The following PDZRN4 variants were observed in gnomAD, a reference collection of about 807,000 sequenced individuals.
PDZRN4 encodes PDZ domain-containing RING finger protein 4.
In PDZRN4, 70 loss-of-function variants were observed where a neutral mutation model predicts 99.0. The observed-to-expected ratio is 0.71, with a 90% CI of 0.58 to 0.86. The LOEUF (loss-of-function observed/expected upper bound fraction) is 0.86, where lower values mean the gene tolerates loss of function less well. Ranked by LOEUF, PDZRN4 falls within the 40% of genes least tolerant of loss-of-function variation. The pLI is 0.00. For synonymous variants in PDZRN4, 551 were observed against 501.6 expected (o/e 1.10, Z -1.32); for missense variants, 1,474 against 1,331.2 (o/e 1.11, Z -1.67).
At chr12:41,365,466 A>C (rs1400237443) in intron 3 of PDZRN4, among the ~76,000 whole-genome samples, 1 of 152,080 alleles carries the variant, frequency 6.6e-6, no homozygotes, top group South Asian at 2.1e-4. Flanking sequence ...AGTAAACCTC[A>C]TCTTACAGGA....
chr12:41,283,778 A>C (rs529257335), intron 3 of PDZRN4, among the ~76,000 whole-genome samples: 1 of 152,330 alleles, frequency 6.6e-6, no homozygotes, highest in East Asian at 1.9e-4. Flanking sequence ...ATTTCAATAG[A>C]TGCAGAAAAG....
At position 41,449,119 on chromosome 12, in the gene PDZRN4, ATTCT is replaced by A. The variant is rs61145667; in HGVS notation, c.844-57329_844-57326del. ...GTCAAACCGACCAACACACTAAGCTATTCTTTCTTTCCAGAATCCTCCCATTTTT... is the reference window on the plus strand; with the variant it reads ...GTCAAACCGACCAACACACTAAGCTATTCTTTCCAGAATCCTCCCATTTTT... On this transcript the variant is annotated intron_variant, in intron 3 of 9. Coordinates refer to ENST00000402685, the MANE Select transcript of PDZRN4 (RefSeq NM_001164595.2). 3.9e-3 allele frequency among the ~76,000 whole-genome samples: 595 copies of A among 152,236 alleles called. 2 individuals carry two copies. The highest frequency in any genetic ancestry group is 0.014 in the African/African-American group (577 of 41,552).
At chr12:41,223,466 A>G (rs1361801064) in intron 3 of PDZRN4, among the ~76,000 whole-genome samples, 2 of 152,156 alleles carry the variant, frequency 1.3e-5, no homozygotes, top group Non-Finnish European at 2.9e-5. Flanking sequence ...AAAGATGAAT[A>G]ACATATACCT....
intron 1 of PDZRN4, among the ~76,000 whole-genome samples, chr12:41,189,776 GGA>G (rs146828897): frequency 2.0e-5 from 3 of 151,678 alleles, no homozygotes; most frequent in Admixed American, 6.6e-5. Flanking sequence ...CATTATTGGT[GGA>G]GAGAGAGAGA....
chr12:41,439,094 A>G (rs201466565), intron 3 of PDZRN4, among the ~76,000 whole-genome samples: 3 of 152,198 alleles, frequency 2.0e-5, no homozygotes, highest in East Asian at 1.9e-4. Flanking sequence ...TGCAATGTTA[A>G]TGCACATTTT....
intron 3 of PDZRN4, among the ~76,000 whole-genome samples, chr12:41,497,802 A>C (rs1360386872): frequency 6.6e-6 from 1 of 152,098 alleles, no homozygotes; most frequent in Non-Finnish European, 1.5e-5. Context: ...GCATGTGCAC[A>C]CAGAGAAAAA....
At chr12:41,273,608 A>C (rs1591993027) in intron 3 of PDZRN4, among the ~76,000 whole-genome samples, 1 of 152,046 alleles carries the variant, frequency 6.6e-6, no homozygotes, top group African/African-American at 2.4e-5. Context: ...CTACTCTATA[A>C]ATGATGTAGA....
intron 2 of PDZRN4, among the ~76,000 whole-genome samples, chr12:41,193,573 T>G (rs925869706): frequency 3.3e-5 from 5 of 152,188 alleles, no homozygotes; most frequent in Non-Finnish European, 7.3e-5. Context: ...GATTTTACAC[T>G]TGAGTAAGCT....
intron 5 of PDZRN4, among the ~76,000 whole-genome samples, chr12:41,546,012 A>C (rs1296141506): frequency 1.3e-5 from 2 of 152,166 alleles, no homozygotes; most frequent in Non-Finnish European, 2.9e-5. Flanking sequence ...ATTTGAAAAA[A>C]GAGGAGGAAT....
At chr12:41,252,526 T>A (rs1352579374) in intron 3 of PDZRN4, among the ~76,000 whole-genome samples, 1 of 152,136 alleles carries the variant, frequency 6.6e-6, no homozygotes, top group East Asian at 1.9e-4. Context: ...AGCAGGGGGA[T>A]CACAGGAGTT....
chr12:41,446,093 T>G (rs1020647592), intron 3 of PDZRN4, among the ~76,000 whole-genome samples: 5 of 152,046 alleles, frequency 3.3e-5, no homozygotes, highest in African/African-American at 9.7e-5. Flanking sequence ...CAGCCCCATA[T>G]TCTCCTGTAT....
chr12:41,233,102 A>G (rs1951039798), intron 3 of PDZRN4, among the ~76,000 whole-genome samples: 2 of 152,110 alleles, frequency 1.3e-5, no homozygotes, highest in South Asian at 4.1e-4. Flanking sequence ...ATAAAAAAAC[A>G]AACAACCCCA....
intron 3 of PDZRN4, among the ~76,000 whole-genome samples, chr12:41,304,608 G>C (rs1951557594): frequency 6.6e-6 from 1 of 152,180 alleles, no homozygotes; most frequent in Non-Finnish European, 1.5e-5. Context: ...TTGCTACACT[G>C]AAAGTGATAT....
At chr12:41,531,863 C>T (rs1222047728) in intron 5 of PDZRN4, among the ~76,000 whole-genome samples, 1 of 152,108 alleles carries the variant, frequency 6.6e-6, no homozygotes, top group African/African-American at 2.4e-5. Context: ...AATACAAACA[C>T]TATTTCCCGG....
At chr12:41,435,341 G>A (rs183658575) in intron 3 of PDZRN4, among the ~76,000 whole-genome samples, 2 of 152,256 alleles carry the variant, frequency 1.3e-5, no homozygotes, top group South Asian at 4.1e-4. Context: ...GCTCCAATAA[G>A]AAGCAGTTTT....
chr12:41,342,770 T>C (rs1338814357), intron 3 of PDZRN4, among the ~76,000 whole-genome samples: 1 of 151,906 alleles, frequency 6.6e-6, no homozygotes, highest in African/African-American at 2.4e-5. Flanking sequence ...GATTGTAAAT[T>C]AGTGCAGCCA....
At chr12:41,359,572 A>G (rs1166469214) in intron 3 of PDZRN4, among the ~76,000 whole-genome samples, 6 of 151,834 alleles carry the variant, frequency 4.0e-5, no homozygotes, top group Non-Finnish European at 8.8e-5. Flanking sequence ...GTTCTTTCCC[A>G]TTATGTTCTT....
At chr12:41,483,940 T>C (rs559174488) in intron 3 of PDZRN4, among the ~76,000 whole-genome samples, 38 of 152,300 alleles carry the variant, frequency 2.5e-4, no homozygotes, top group Non-Finnish European at 5.0e-4. Context: ...TCTAAATTTG[T>C]TGTGCTCATC....
intron 3 of PDZRN4, among the ~76,000 whole-genome samples, chr12:41,365,654 T>C (rs1216862878): frequency 6.6e-6 from 1 of 152,070 alleles, no homozygotes; most frequent in African/African-American, 2.4e-5. Flanking sequence ...ATATTCCCTT[T>C]CCCCTCTTTG....
Sources: gnomAD v4.1 joint callset for allele counts (sites outside exome capture counted in the v4.1 genomes callset) on GRCh38, gnomAD v4.1.1 for gene constraint, MANE v1.5 for transcripts, NCBI Gene and HGNC (gene_info 2026-07-23, HGNC 2026-07-21) for gene names.